The following DLGAP1 variants were observed in gnomAD, a reference collection of about 807,000 sequenced individuals.
The protein encoded by DLGAP1 is DLG associated protein 1.
A neutral mutation model predicts 90.8 loss-of-function variants in DLGAP1; 11 were observed. The ratio of observed to expected loss-of-function variants is 0.12; its 90% confidence interval spans 0.08 to 0.20. The LOEUF is 0.20. Ranked by LOEUF, DLGAP1 falls within the 10% of genes least tolerant of loss-of-function variation. The probability of loss-of-function intolerance (pLI) is 1.00; values close to 1 mark genes in which losing one functional copy is unlikely to be tolerated. For synonymous variants in DLGAP1, 558 were observed against 540.7 expected (o/e 1.03, Z -0.44); for missense variants, 1,050 against 1,333.8 (o/e 0.79, Z 3.31).
intron 1 of DLGAP1, among the ~76,000 whole-genome samples, chr18:4,290,431 G>A (rs572742118): frequency 6.6e-5 from 10 of 151,980 alleles, no homozygotes; most frequent in South Asian, 6.2e-4. Flanking sequence ...CTTCTTTCTC[G>A]GTTACCAGGA....
intron 3 of DLGAP1, among the ~76,000 whole-genome samples, chr18:4,003,439 T>G (rs1226579234): frequency 6.7e-6 from 1 of 149,928 alleles, no homozygotes; most frequent in African/African-American, 2.4e-5. Context: ...ATATCATTGT[T>G]TTTTTTTTTT....
intron 10 of DLGAP1, among the ~76,000 whole-genome samples, chr18:3,523,499 T>A (rs1241538990): frequency 2.6e-5 from 4 of 151,402 alleles, no homozygotes; most frequent in Non-Finnish European, 5.9e-5. Context: ...AATGAAGAAC[T>A]CTTACAACTC....
chr18:4,347,394 A>T (rs967943590), intron 1 of DLGAP1, among the ~76,000 whole-genome samples: 1 of 152,138 alleles, frequency 6.6e-6, no homozygotes, highest in Non-Finnish European at 1.5e-5. Context: ...TTTGTTCAAA[A>T]GAAAATAAAT....
At chr18:4,152,435 A>G (rs557370834) in intron 1 of DLGAP1, among the ~76,000 whole-genome samples, 4 of 152,294 alleles carry the variant, frequency 2.6e-5, no homozygotes, top group African/African-American at 9.6e-5. Flanking sequence ...GGCTCGATCA[A>G]TTTTATGCAG....
intron 2 of DLGAP1, among the ~76,000 whole-genome samples, chr18:4,116,348 G>C (rs1272150429): frequency 6.6e-6 from 1 of 152,050 alleles, no homozygotes; most frequent in Non-Finnish European, 1.5e-5. Context: ...CTCCTACTTG[G>C]AGTTTATTGA....
At chr18:3,963,854 G>T (rs990626308) in intron 3 of DLGAP1, among the ~76,000 whole-genome samples, 2 of 151,940 alleles carry the variant, frequency 1.3e-5, no homozygotes, top group Non-Finnish European at 2.9e-5. Context: ...AGATTTCGAA[G>T]ACTTTGTACA....
chr18:4,270,577 A>AT (rs1160826190), intron 1 of DLGAP1, among the ~76,000 whole-genome samples: 3 of 152,134 alleles, frequency 2.0e-5, no homozygotes, highest in African/African-American at 7.2e-5. Flanking sequence ...TTTGGAATAT[A>AT]TTTTTCTGAA....
chr18:3,828,727 T>C (rs987454173), intron 4 of DLGAP1, among the ~76,000 whole-genome samples: 12 of 151,464 alleles, frequency 7.9e-5, no homozygotes, highest in African/African-American at 2.9e-4. Context: ...ATCTTTTTAT[T>C]ATAATTTACA....
chr18:4,187,283 A>G (rs2077313260), intron 1 of DLGAP1, among the ~76,000 whole-genome samples: 2 of 152,072 alleles, frequency 1.3e-5, no homozygotes, highest in Non-Finnish European at 2.9e-5. Flanking sequence ...TTCCAATACT[A>G]TGTTGAATAG....
At chr18:4,046,248 G>C (rs1183845292) in intron 2 of DLGAP1, among the ~76,000 whole-genome samples, 1 of 152,116 alleles carries the variant, frequency 6.6e-6, no homozygotes, top group Admixed American at 6.5e-5. Context: ...CTTATTTATT[G>C]GTAGAGCTTC....
intron 9 of DLGAP1, among the ~76,000 whole-genome samples, chr18:3,566,379 C>A (rs1221605677): frequency 6.6e-6 from 1 of 151,758 alleles, no homozygotes; most frequent in Non-Finnish European, 1.5e-5. Context: ...ATATTATACA[C>A]ACACACACAC....
chr18:3,869,521 ACT>A (rs2148788521), intron 4 of DLGAP1, among the ~76,000 whole-genome samples: 1 of 152,238 alleles, frequency 6.6e-6, no homozygotes, highest in South Asian at 2.1e-4. Flanking sequence ...ACACCACTGG[ACT>A]CCAGCCTGGG....
intron 10 of DLGAP1, among the ~76,000 whole-genome samples, chr18:3,524,827 G>A (rs16944995): frequency 0.025 from 3,763 of 152,222 alleles, 114 homozygotes; most frequent in East Asian, 0.083. Context: ...GTGTCCTTGC[G>A]GCAAAAATTT....
At chr18:4,015,399 G>A (rs2149103498) in intron 2 of DLGAP1, among the ~76,000 whole-genome samples, 1 of 152,238 alleles carries the variant, frequency 6.6e-6, no homozygotes. Flanking sequence ...CTAAGTTGGG[G>A]TGAGGAAGCT....
intron 4 of DLGAP1, chr18:3,874,062 A>G (rs2070911513): frequency 6.5e-7 from 1 of 1,532,392 alleles, no homozygotes. Flanking sequence ...AAAATCACAA[A>G]TACTACCCCT....
rs118169617 is a variant in DLGAP1 at position 3,855,075 on chromosome 18, C to T, written c.957+24037G>A. On this transcript the variant is annotated intron_variant, in intron 4 of 12. Transcript: ENST00000315677. The stretch of plus-strand genomic sequence containing the variant: ...AACGACAGACTGGATAAAGAAAATG[C>T]AGTACATATACACCACGGAATACTA... Among the ~76,000 whole-genome samples, 1,446 of 152,188 alleles carry T rather than the reference C, an allele frequency of 9.5e-3. 60 individuals carry two copies. Among genetic ancestry groups the T allele is most frequent in the East Asian group, 0.07 (364 of 5,188 alleles).
Position 3,879,610 on chromosome 18 carries a change from G to T in DLGAP1, c.459C>A (p.His153Gln). Residue 153 changes from histidine to glutamine, a missense_variant, in exon 4 of 13, where the codon CAC becomes CAA. His to Gln is a conservative substitution (Grantham distance 24). Transcript: ENST00000315677. This position sits in a 1 kb window ranked among gnomAD's most constrained non-coding sequence, Gnocchi z 6.6. ...HSVQKLFTKS[H>Q]SLEGPSKGSV... Reference sequence around the variant, plus strand: ...TGCCCTTGGACGGCCCCTCCAGGGAGTGCGACTTGGTGAAGAGCTTCTGGA... The same window carrying T: ...TGCCCTTGGACGGCCCCTCCAGGGATTGCGACTTGGTGAAGAGCTTCTGGA... The T allele has an allele frequency of 6.2e-7, 1 of 1,603,328 alleles. No individual in the cohort carries two copies. Among genetic ancestry groups the T allele is most frequent in the Non-Finnish European group, 8.5e-7 (1 of 1,178,690 alleles).
At chr18:3,911,315 C>A (rs894151731) in intron 3 of DLGAP1, among the ~76,000 whole-genome samples, 2 of 152,270 alleles carry the variant, frequency 1.3e-5, no homozygotes, top group Middle Eastern at 3.4e-3. Context: ...CATAAATTAT[C>A]TCAAATGAAT....
At chr18:3,659,510 G>GAA (rs1257202100) in intron 7 of DLGAP1, among the ~76,000 whole-genome samples, 1 of 133,142 alleles carries the variant, frequency 7.5e-6, no homozygotes, top group Admixed American at 8.7e-5. Context: ...AAATACAATT[G>GAA]AAAACAACAA....
Sources: gnomAD v4.1 joint callset for allele counts (sites outside exome capture counted in the v4.1 genomes callset) on GRCh38, gnomAD v4.1.1 for gene constraint, Gnocchi (gnomAD v3.1) non-coding constraint, MANE v1.5 for transcripts, NCBI Gene and HGNC (gene_info 2026-07-23, HGNC 2026-07-21) for gene names.